Variants in SND1 observed in about 807,000 individuals in gnomAD.
SND1 encodes the protein staphylococcal nuclease and tudor domain containing 1.
Under a neutral mutation model 121.7 loss-of-function variants are expected in SND1, and 38 were observed. The observed-to-expected ratio is 0.31, with a 90% CI of 0.24 to 0.41. The LOEUF (loss-of-function observed/expected upper bound fraction) is 0.41. Among genes scored for constraint, SND1 ranks in the 10% least tolerant of loss-of-function variants. The pLI, the probability that SND1 is intolerant of heterozygous loss-of-function variation, is 1.00. For missense variants in SND1, 868 were observed against 1,184.6 expected (o/e 0.73, Z 3.92); for synonymous variants, 401 against 447.4 (o/e 0.90, Z 1.31).
chr7:127,691,316 G>A (rs1224450477), intron 2 of SND1, among the ~76,000 whole-genome samples: 2 of 152,112 alleles, frequency 1.3e-5, no homozygotes. Context: ...GCCGAGGCGG[G>A]CGGATCATGA....
intron 15 of SND1, among the ~76,000 whole-genome samples, chr7:127,961,502 G>A (rs1801729743): frequency 6.6e-6 from 1 of 152,222 alleles, no homozygotes; most frequent in Admixed American, 6.5e-5. Flanking sequence ...GTTTGCCACT[G>A]TAAAAAACAC....
chr7:127,893,755 A>G lies in SND1; in HGVS notation c.1454+5743A>G, dbSNP rs933710696. Among the ~76,000 whole-genome samples, 38 of 152,102 alleles carry G rather than the reference A, an allele frequency of 2.5e-4. 1 individual carries two copies. The highest frequency in any genetic ancestry group is 1.5e-5 in the Non-Finnish European group (1 of 67,986). Reference sequence around the variant, plus strand: ...TGGCACACTGCAGATTTAGAAAACCATGGTGGTGTCATCCATCTTTGAGAG... The same window carrying G: ...TGGCACACTGCAGATTTAGAAAACCGTGGTGGTGTCATCCATCTTTGAGAG... On this transcript the variant is annotated intron_variant, in intron 13 of 23. Coordinates refer to ENST00000354725, the MANE Select transcript of SND1 (RefSeq NM_014390.4).
intron 11 of SND1, among the ~76,000 whole-genome samples, chr7:127,811,534 A>T (rs1222767056): frequency 6.6e-6 from 1 of 152,006 alleles, no homozygotes; most frequent in African/African-American, 2.4e-5. Flanking sequence ...TATGTATCTG[A>T]ATGATTCCTC....
At chr7:127,786,615 T>TTTTTG (rs372698626) in intron 10 of SND1, among the ~76,000 whole-genome samples, 47 of 152,224 alleles carry the variant, frequency 3.1e-4, no homozygotes, top group East Asian at 9.7e-4. Flanking sequence ...GCATAGTGTT[T>TTTTTG]TTTTGTTTTG....
intron 14 of SND1, among the ~76,000 whole-genome samples, chr7:127,926,549 CTTT>C (rs71160605): frequency 5.5e-5 from 5 of 90,558 alleles, no homozygotes; most frequent in African/African-American, 1.8e-4. Flanking sequence ...TTTTCTTTTT[CTTT>C]TTTTTTTTTT....
chr7:127,976,022 C>A (rs1368666252), intron 15 of SND1, among the ~76,000 whole-genome samples: 2 of 152,198 alleles, frequency 1.3e-5, no homozygotes, highest in African/African-American at 4.8e-5. Flanking sequence ...GTTTCCTTAG[C>A]CCCTCCTCCA....
chr7:127,654,914 G>A (rs1795185793), intron 1 of SND1, among the ~76,000 whole-genome samples: 1 of 152,244 alleles, frequency 6.6e-6, no homozygotes, highest in South Asian at 2.1e-4. Context: ...GCTAAGCAAA[G>A]TTGTATTTTC....
intron 15 of SND1, among the ~76,000 whole-genome samples, chr7:127,937,347 AC>A (rs1191029854): frequency 6.6e-6 from 1 of 152,074 alleles, no homozygotes; most frequent in Non-Finnish European, 1.5e-5. Context: ...TTAACCAGTT[AC>A]CTATTCATAT....
intron 16 of SND1, among the ~76,000 whole-genome samples, chr7:128,042,140 T>C (rs1792866502): frequency 6.6e-6 from 1 of 152,172 alleles, no homozygotes; most frequent in South Asian, 2.1e-4. Flanking sequence ...CTACTCGATT[T>C]GTATTCAGTG....
At chr7:127,887,437 T>C (rs531450421) in intron 12 of SND1, among the ~76,000 whole-genome samples, 89 of 152,284 alleles carry the variant, frequency 5.8e-4, no homozygotes, top group African/African-American at 2.0e-3. Context: ...GTAAAACCAA[T>C]GTTTCTAACG....
chr7:127,748,321 G>A (rs1797016869), intron 10 of SND1, among the ~76,000 whole-genome samples: 1 of 152,126 alleles, frequency 6.6e-6, no homozygotes, highest in South Asian at 2.1e-4. Flanking sequence ...TAGGATGCTT[G>A]TGTACAAGGT....
At chr7:127,672,613 A>C (rs1795539865) in intron 1 of SND1, among the ~76,000 whole-genome samples, 1 of 142,578 alleles carries the variant, frequency 7.0e-6, no homozygotes, top group African/African-American at 2.6e-5. Context: ...ACTCCATCTC[A>C]AAAAAAAAAA....
chr7:128,031,521 C>T (rs975647716), intron 16 of SND1: 1 of 151,432 alleles, frequency 6.6e-6, no homozygotes, highest in Non-Finnish European at 1.5e-5. Context: ...TTTCTCCTCG[C>T]CTCTTCTCGG....
At chr7:127,769,081 T>A (rs1426397325) in intron 10 of SND1, among the ~76,000 whole-genome samples, 1 of 152,214 alleles carries the variant, frequency 6.6e-6, no homozygotes, top group Non-Finnish European at 1.5e-5. Context: ...AATGAATTGC[T>A]CCTGGATAAG....
At position 127,701,312 on chromosome 7, in the gene SND1, A is replaced by G; in HGVS notation, c.578A>G (p.Lys193Arg). ...PRHFVDSHHQKPVNAIIEHVR... is the reference protein window; with the variant it reads ...PRHFVDSHHQRPVNAIIEHVR... Reference sequence around the variant, plus strand: ...CACTTTGTGGACTCACACCACCAGAAGCCTGTTAATGGTGAGGCTGGTGGG... The same window carrying G: ...CACTTTGTGGACTCACACCACCAGAGGCCTGTTAATGGTGAGGCTGGTGGG... The change falls in exon 5 of 24, where the codon AAG becomes AGG. Residue 193 changes from lysine to arginine, a missense_variant. Transcript: ENST00000354725. The G allele has an allele frequency of 6.2e-7, 1 of 1,613,944 alleles. No individual in the cohort carries two copies. The highest frequency in any genetic ancestry group is 8.5e-7 in the Non-Finnish European group (1 of 1,179,902).
intron 10 of SND1, among the ~76,000 whole-genome samples, chr7:127,778,720 T>C (rs1288764684): frequency 6.6e-6 from 1 of 152,232 alleles, no homozygotes; most frequent in Non-Finnish European, 1.5e-5. Flanking sequence ...GGGTCTCACA[T>C]AGTGCTTATG....
At chr7:127,886,486 C>T (rs560952039) in intron 12 of SND1, among the ~76,000 whole-genome samples, 8 of 152,142 alleles carry the variant, frequency 5.3e-5, no homozygotes, top group East Asian at 1.9e-4. Context: ...GCATATGGCA[C>T]GGTAGCCTAT....
At chr7:128,048,498 C>T (rs1322529162) in intron 16 of SND1, among the ~76,000 whole-genome samples, 4 of 152,132 alleles carry the variant, frequency 2.6e-5, no homozygotes, top group Non-Finnish European at 5.9e-5. Context: ...TTTGAAACGA[C>T]AAATGTTACT....
Position 127,969,614 on chromosome 7 carries a change from C to T in SND1, c.1670-21333C>T, listed in dbSNP as rs576210237. Among the ~76,000 whole-genome samples the T allele has an allele frequency of 1.4e-4, 22 of 152,226 alleles. No homozygotes were observed. In the East Asian group the frequency reaches 4.2e-3, roughly 29 times the overall value. On this transcript the variant is annotated intron_variant, in intron 15 of 23. Coordinates refer to ENST00000354725, the MANE Select transcript of SND1 (RefSeq NM_014390.4). ...TGGCGGGCACGTGTAGTCCTAGCTA[C>T]TTACTCGGGAGGCTGAGGCAGGAGA...
Sources: allele counts gnomAD v4.1 joint callset (sites outside exome capture counted in the v4.1 genomes callset), GRCh38; gene constraint gnomAD v4.1.1; transcripts MANE v1.5; gene names NCBI Gene and HGNC (gene_info 2026-07-23, HGNC 2026-07-21).